WDR86: variants seen among roughly 807,000 people sequenced by gnomAD.
WDR86 encodes the protein WD repeat domain 86.
In WDR86, 30 loss-of-function variants were observed where a neutral mutation model predicts 36.5. The observed-to-expected ratio is 0.82, with a 90% CI of 0.61 to 1.11. The LOEUF is 1.11. Ranked by LOEUF, WDR86 falls within the 50% of genes most tolerant of loss-of-function variation. The probability of loss-of-function intolerance (pLI) is 0.00; values close to 1 mark genes in which losing one functional copy is unlikely to be tolerated. For synonymous variants in WDR86, 255 were observed against 252.9 expected (o/e 1.01, Z -0.08); for missense variants, 545 against 561.2 (o/e 0.97, Z 0.29).
intron 3 of WDR86, among the ~76,000 whole-genome samples, chr7:151,387,921 T>A (rs1309381734): frequency 6.6e-6 from 1 of 152,230 alleles, no homozygotes; most frequent in Non-Finnish European, 1.5e-5. Context: ...GCTTCCACTG[T>A]CTCATGTGCA....
chr7:151,379,335 G>A (rs1798450068), downstream of WDR86, among the ~76,000 whole-genome samples: 1 of 152,172 alleles, frequency 6.6e-6, no homozygotes, highest in African/African-American at 2.4e-5. Context: ...ACAATGGTGT[G>A]CACAACTGGT....
At chr7:151,375,834 C>A (rs1223156586), downstream of WDR86, 4 of 1,558,926 alleles carry the variant, frequency 2.6e-6, no homozygotes, top group South Asian at 3.3e-5. Flanking sequence ...AAAGGGTGTT[C>A]CTGTGTGTTT....
At chr7:151,375,795 G>A (rs1798189550), downstream of WDR86, 12 of 1,205,160 alleles carry the variant, frequency 1.0e-5, no homozygotes, top group Non-Finnish European at 1.4e-5. Context: ...GCGCCTGTCT[G>A]AATGTGTGAA....
chr7:151,378,666 A>C (rs1798424160), downstream of WDR86, among the ~76,000 whole-genome samples: 1 of 152,136 alleles, frequency 6.6e-6, no homozygotes, highest in African/African-American at 2.4e-5. Context: ...AGGGGACTGA[A>C]ATGTACCTGT....
At position 151,382,419 on chromosome 7, in the gene WDR86, C is replaced by T. The variant is rs188101485; in HGVS notation, c.863-438G>A. Among the ~76,000 whole-genome samples, 9 of 152,312 alleles carry T rather than the reference C, an allele frequency of 5.9e-5. No homozygotes were observed. The East Asian group carries it at 1.2e-3, about 20-fold the overall frequency. ...GCCCTCTGGGGTTCATGATCACGCA[C>T]CCCCGGGACCCCTAGCGGGGGCGAG... On this transcript the variant is annotated intron_variant, in intron 4 of 5. Coordinates refer to ENST00000334493, the MANE Select transcript of WDR86 (RefSeq NM_198285.3).
chr7:151,400,239 GTCCTGCAGATGAGGGA>G lies in WDR86; in HGVS notation c.164-14_165del. Reference sequence around the variant, plus strand: ...TGGCAGAAGGTCACATAGCTTTCATGTCCTGCAGATGAGGGACAGGGGAGATGTGAGCGTACTGGGG... The same window carrying G: ...TGGCAGAAGGTCACATAGCTTTCATGCAGGGGAGATGTGAGCGTACTGGGG... On this transcript the variant is annotated splice_acceptor_variant and splice_polypyrimidine_tract_variant and coding_sequence_variant and intron_variant, in exon 2 of 6. Transcript: ENST00000334493. LOFTEE classifies it high-confidence loss of function. 2.5e-6 allele frequency: 4 copies of G among 1,602,540 alleles called. No homozygotes were observed. Among genetic ancestry groups the G allele is most frequent in the Non-Finnish European group, 3.4e-6 (4 of 1,173,740 alleles).
downstream of WDR86, chr7:151,376,783 G>A (rs576551925): frequency 2.1e-5 from 33 of 1,590,408 alleles, no homozygotes; most frequent in Admixed American, 3.8e-4. Context: ...CTTTGTCCCC[G>A]CCAGCCACGT....
chr7:151,408,702 G>C (rs1256516333), intron 1 of WDR86: 3 of 346,562 alleles, frequency 8.7e-6, no homozygotes, highest in African/African-American at 4.3e-5. Context: ...AGGAGGGCCA[G>C]AGCTGAAAGG....
At chr7:151,371,984 A>G (rs1011365307), downstream of WDR86, among the ~76,000 whole-genome samples, 4 of 152,216 alleles carry the variant, frequency 2.6e-5, no homozygotes, top group Non-Finnish European at 5.9e-5. Context: ...CTGGGATTAC[A>G]GGTGTGAGCC....
intron 2 of WDR86, among the ~76,000 whole-genome samples, chr7:151,399,859 C>T (rs1435879786): frequency 6.6e-6 from 1 of 152,234 alleles, no homozygotes; most frequent in African/African-American, 2.4e-5. Flanking sequence ...GGGGAAGCAT[C>T]AGGCTCTGTT....
At chr7:151,385,428 G>C (rs1798903316) in intron 3 of WDR86, 2 of 869,484 alleles carry the variant, frequency 2.3e-6, no homozygotes, top group Non-Finnish European at 3.4e-6. Context: ...GGGGCAGCCA[G>C]TGCTCCAACA....
chr7:151,398,657 C>T (rs1031973207), intron 2 of WDR86, among the ~76,000 whole-genome samples: 4 of 148,560 alleles, frequency 2.7e-5, no homozygotes, highest in African/African-American at 1.0e-4. Context: ...GTTGTGTATG[C>T]ACGTGTATAT....
chr7:151,395,755 C>T (rs1298196129), intron 3 of WDR86, 21 bp downstream of exon 3: 11 of 1,530,408 alleles, frequency 7.2e-6, no homozygotes, highest in African/African-American at 4.1e-5. Context: ...GGCTGCTGGG[C>T]GGGGACCAGG....
intron 4 of WDR86, among the ~76,000 whole-genome samples, chr7:151,382,805 TGGAAAG>T (rs1227944760): frequency 3.3e-5 from 5 of 151,754 alleles, no homozygotes; most frequent in African/African-American, 9.7e-5. Flanking sequence ...AAATGGGAGA[TGGAAAG>T]GGAGGGAGGA....
chr7:151,396,252 A>T, intron 2 of WDR86, 56 bp from the exon 3 acceptor site: 1 of 1,590,030 alleles, frequency 6.3e-7, no homozygotes, highest in Non-Finnish European at 8.6e-7. Flanking sequence ...CAGAATCCAC[A>T]CAGCCTCCCG....
In WDR86 at chr7:151,376,008, G is replaced by C. The variant is rs926790466; in HGVS notation, n.1282C>G. The C allele has an allele frequency of 4.1e-6, 4 of 985,392 alleles. No homozygotes were observed. In the African/African-American group the frequency reaches 6.4e-5, roughly 16 times the overall value. 61.0% of individuals were successfully genotyped at this position (985,392 alleles called of 1,614,324 possible). ...CGGGTGGGGTTGCTTGGGGTAACCC[G>C]GGTGAATCAGGCAGCAGGACTGGGG... On this transcript the variant is annotated non_coding_transcript_exon_variant, in exon 2 of 2. Transcript: ENST00000463000.
At chr7:151,381,068 G>A, downstream of WDR86, 2 of 1,066,470 alleles carry the variant, frequency 1.9e-6, no homozygotes, top group Non-Finnish European at 2.3e-6. This position sits in a 1 kb window ranked among gnomAD's most constrained non-coding sequence, Gnocchi z 4.8. Flanking sequence ...GGAATCCCAA[G>A]CTCCAAAAAG....
downstream of WDR86, chr7:151,378,499 G>T (rs1798416604): frequency 1.3e-5 from 2 of 152,246 alleles, no homozygotes; most frequent in East Asian, 3.8e-4. Context: ...AGCTGTAGGT[G>T]TTGAAAGTGT....
chr7:151,375,049 G>C (rs1190564128), downstream of WDR86, among the ~76,000 whole-genome samples: 7 of 151,608 alleles, frequency 4.6e-5, no homozygotes, highest in South Asian at 1.5e-3. Context: ...TGGGGTTGGA[G>C]GGGGTGGGGT....
Sources: gnomAD v4.1 joint callset for allele counts (sites outside exome capture counted in the v4.1 genomes callset) on GRCh38, gnomAD v4.1.1 for gene constraint, Gnocchi (gnomAD v3.1) non-coding constraint, MANE v1.5 for transcripts, NCBI Gene and HGNC (gene_info 2026-07-23, HGNC 2026-07-21) for gene names.